RIMS3: variants seen among roughly 807,000 people sequenced by gnomAD.
The protein encoded by RIMS3 is regulating synaptic membrane exocytosis 3, also known as regulating synaptic membrane exocytosis protein 3.
In RIMS3, 15 loss-of-function variants were observed where a neutral mutation model predicts 29.2. The ratio of observed to expected loss-of-function variants is 0.51; its 90% CI spans 0.34 to 0.79. The LOEUF is 0.79. Ranked by LOEUF, RIMS3 falls within the 30% of genes least tolerant of loss-of-function variation. RIMS3 has a pLI of 0.01. For synonymous variants in RIMS3, 161 were observed against 170.1 expected (o/e 0.95, Z 0.41); for missense variants, 342 against 421.4 (o/e 0.81, Z 1.65).
At chr1:40,682,739 A>ATTTTTTTTTTTTTTTTTT in the RIMS3 span, among the ~76,000 whole-genome samples, 5 of 46,522 alleles carry the variant, frequency 1.1e-4, no homozygotes, top group African/African-American at 2.3e-4. Context: ...CCCTTTGCAG[A>ATTTTTTTTTTTTTTTTTT]TCTTTTTTTT....
At chr1:40,689,304 CAG>C in the RIMS3 span, among the ~76,000 whole-genome samples, 1 of 151,992 alleles carries the variant, frequency 6.6e-6, no homozygotes, top group Non-Finnish European at 1.5e-5. Context: ...TTTTTTGAGA[CAG>C]AGTCTCACTC....
the RIMS3 span, among the ~76,000 whole-genome samples, chr1:40,678,273 T>G: frequency 6.6e-6 from 1 of 152,126 alleles, no homozygotes; most frequent in East Asian, 1.9e-4. Flanking sequence ...CTTGGTGTAG[T>G]GGCGCACGCC....
At chr1:40,678,546 C>A in the RIMS3 span, among the ~76,000 whole-genome samples, 9 of 152,352 alleles carry the variant, frequency 5.9e-5, no homozygotes, top group Non-Finnish European at 1.0e-4. Flanking sequence ...TGCATTCCCA[C>A]CTGGTCATTC....
At chr1:40,684,647 C>T in the RIMS3 span, among the ~76,000 whole-genome samples, 2 of 152,218 alleles carry the variant, frequency 1.3e-5, no homozygotes, top group African/African-American at 4.8e-5. Flanking sequence ...GGCTACTTCA[C>T]AATGAGCTGT....
At position 40,641,859 on chromosome 1, in the gene RIMS3, T is replaced by TAA. The variant is rs766806484; in HGVS notation, c.66_67insTT (p.Ile23LeufsTer38). On this transcript the variant is annotated frameshift_variant, in exon 3 of 8. Transcript: ENST00000372684. LOFTEE classifies it high-confidence loss of function. ...TGGGATCCGCAGATTTCACCGCTAATGCTGGAGCTCCGCACCACATTCCTG... is the reference window on the plus strand; with the variant it reads ...TGGGATCCGCAGATTTCACCGCTAATAAGCTGGAGCTCCGCACCACATTCCTG... 1 of 1,613,636 alleles carries TAA rather than the reference T, an allele frequency of 6.2e-7. No homozygotes were observed. The highest frequency in any genetic ancestry group is 1.1e-5 in the South Asian group (1 of 91,072).
Position 40,623,495 on chromosome 1 carries a change from A to T in RIMS3, c.*3022T>A. On this transcript the variant is annotated 3_prime_UTR_variant, in exon 8 of 8. Coordinates refer to ENST00000372684, the MANE Select transcript of RIMS3 (RefSeq NM_014747.3). Reference sequence around the variant, plus strand: ...CCACTCCTGTCTCTGCCATATGCACAGTGAACCTCGCCTGACCAGAGGAGG... The same window carrying T: ...CCACTCCTGTCTCTGCCATATGCACTGTGAACCTCGCCTGACCAGAGGAGG... 1 of 398,678 alleles carries T rather than the reference A, an allele frequency of 2.5e-6. No homozygotes were observed. Among genetic ancestry groups the T allele is most frequent in the African/African-American group, 2.1e-5 (1 of 48,742 alleles). 24.7% of individuals were successfully genotyped at this position (398,678 alleles called of 1,614,324 possible).
rs780579521 is a variant in RIMS3, at chr1:40,626,720, A to G, written c.724T>C (p.Trp242Arg). The G allele has an allele frequency of 1.9e-6, 3 of 1,614,084 alleles. No homozygotes were observed. The highest frequency in any genetic ancestry group is 2.5e-6 in the Non-Finnish European group (3 of 1,180,020). ...TGGTCCATGCGGCCATAGTCTCCCC[A>G]GACGATCACCTGCCAGGAGGAAGAG... ...PQGKVLQVIV[W>R]GDYGRMDHKC... The change falls in exon 8 of 8, where the codon TGG becomes CGG. Residue 242 changes from tryptophan (W) to arginine (R), a missense_variant. Physicochemically the swap from Trp to Arg is moderately radical, Grantham distance 101. Transcript: ENST00000372684.
chr1:40,623,517 G>A lies in RIMS3; in HGVS notation c.*3000C>T, dbSNP rs1006364202. On this transcript the variant is annotated 3_prime_UTR_variant, in exon 8 of 8. Coordinates refer to ENST00000372684, the MANE Select transcript of RIMS3 (RefSeq NM_014747.3). ...CACAGTGAACCTCGCCTGACCAGAG[G>A]AGGTGGAATGACAAAGAGCTCCATT... The A allele has an allele frequency of 2.5e-6, 1 of 398,560 alleles. No individual in the cohort carries two copies. Among genetic ancestry groups the A allele is most frequent in the African/African-American group, 2.1e-5 (1 of 48,612 alleles). 24.7% of individuals were successfully genotyped at this position (398,560 alleles called of 1,614,324 possible). A position where few individuals can be genotyped will look rare whatever the true frequency, so the allele number is the denominator to read the frequency against.
the RIMS3 span, among the ~76,000 whole-genome samples, chr1:40,682,242 G>A: frequency 3.3e-5 from 5 of 152,102 alleles, no homozygotes; most frequent in Non-Finnish European, 7.4e-5. Flanking sequence ...TTGTTGTTTA[G>A]GTACCTATTG....
At chr1:40,643,154 T>A (rs967660754) in intron 2 of RIMS3, among the ~76,000 whole-genome samples, 4 of 152,040 alleles carry the variant, frequency 2.6e-5, no homozygotes, top group Admixed American at 6.6e-5. Flanking sequence ...TTATTTATTT[T>A]TTTGAGATGG....
In RIMS3 at chr1:40,638,859, C is replaced by T. The variant is rs145939295; in HGVS notation, c.218-2802G>A. 1.9e-3 allele frequency among the ~76,000 whole-genome samples: 286 copies of T among 152,318 alleles called. 3 individuals are homozygous for T. The highest frequency in any genetic ancestry group is 6.1e-3 in the African/African-American group (253 of 41,558). On this transcript the variant is annotated intron_variant, in intron 3 of 7. Transcript: ENST00000372684. ...TACAGAAGAGGAAACTGAGGCCCAGCGGAAAAGTAAATTTCCCGAGGTCCC... is the reference window on the plus strand; with the variant it reads ...TACAGAAGAGGAAACTGAGGCCCAGTGGAAAAGTAAATTTCCCGAGGTCCC...
At chr1:40,677,936 C>T in the RIMS3 span, among the ~76,000 whole-genome samples, 2 of 152,118 alleles carry the variant, frequency 1.3e-5, no homozygotes, top group African/African-American at 4.8e-5. Context: ...TGCGAAGCAC[C>T]AGGAGGTCAC....
chr1:40,626,412 G>T lies in RIMS3; in HGVS notation c.*105C>A. On this transcript the variant is annotated 3_prime_UTR_variant, in exon 8 of 8. Transcript: ENST00000372684. ...GAGCCCAGTAGCCAACAGGCATGCA[G>T]CAGGACAAGGGGTCCAGAAAGACAC... 1 of 1,071,922 alleles carries T rather than the reference G, an allele frequency of 9.3e-7. No individual in the cohort carries two copies. The highest frequency in any genetic ancestry group is 1.4e-6 in the Non-Finnish European group (1 of 719,382). The allele number at this position is 1,071,922 out of a possible 1,614,324, so 66.4% of individuals were successfully genotyped here.
chr1:40,646,883 T>A (rs1557677702), intron 2 of RIMS3, among the ~76,000 whole-genome samples: 1 of 41,040 alleles, frequency 2.4e-5, no homozygotes, highest in Admixed American at 1.8e-4. Context: ...ACCAGATAAC[T>A]TTTTTTTTTT....
chr1:40,661,350 C>T (rs1171879648), intron 1 of RIMS3, among the ~76,000 whole-genome samples: 1 of 152,294 alleles, frequency 6.6e-6, no homozygotes, highest in Non-Finnish European at 1.5e-5. Context: ...CCACCTCATC[C>T]TTGGGAACCA....
intron 3 of RIMS3, among the ~76,000 whole-genome samples, chr1:40,637,099 C>G (rs919185568): frequency 2.0e-5 from 3 of 152,168 alleles, no homozygotes; most frequent in African/African-American, 7.2e-5. Flanking sequence ...AGCGAATTAA[C>G]AGTGGAGTTG....
rs776632144 is a variant in RIMS3 at position 40,636,063 on chromosome 1, AC to A, written c.218-7del. On this transcript the variant is annotated splice_region_variant and splice_polypyrimidine_tract_variant and intron_variant, in intron 3 of 7. Transcript: ENST00000372684. The surrounding 1 kb of genome is among the most constrained non-coding windows in gnomAD (Gnocchi z 4.2). ...CAGCTTCTTGGTGGCCCCTTCTGTG[AC>A]CCCCCCAACCCCAAGCACAGAGAGG... 11 of 1,596,162 alleles carry A rather than the reference AC, an allele frequency of 6.9e-6. No individual in the cohort carries two copies. Among genetic ancestry groups the A allele is most frequent in the Middle Eastern group, 3.3e-4 (2 of 6,040 alleles).
intron 3 of RIMS3, among the ~76,000 whole-genome samples, chr1:40,641,000 G>A (rs192405327): frequency 7.7e-4 from 118 of 152,270 alleles, no homozygotes; most frequent in Non-Finnish European, 1.3e-3. Flanking sequence ...GACACTGAGC[G>A]TTCTATTTAT....
chr1:40,681,768 T>C, the RIMS3 span, among the ~76,000 whole-genome samples: 2 of 152,168 alleles, frequency 1.3e-5, no homozygotes, highest in Non-Finnish European at 2.9e-5. Flanking sequence ...ACAAACAGAG[T>C]TTCCAGGTCA....
Sources: allele counts gnomAD v4.1 joint callset (sites outside exome capture counted in the v4.1 genomes callset), GRCh38; gene constraint gnomAD v4.1.1; non-coding constraint Gnocchi (gnomAD v3.1); transcripts MANE v1.5; gene names NCBI Gene and HGNC (gene_info 2026-07-23, HGNC 2026-07-21).